Variants in PCNT observed in about 807,000 individuals in gnomAD.
The protein encoded by PCNT is pericentrin, also known as kendrin.
PCNT carries 319 observed loss-of-function variants against 380.4 expected under a neutral mutation model. That is an observed-to-expected ratio of 0.84 (90% CI 0.77 to 0.92). The LOEUF (loss-of-function observed/expected upper bound fraction) is 0.92, where lower values mean the gene tolerates loss of function less well. Among genes scored for constraint, PCNT ranks in the 40% least tolerant of loss-of-function variants. PCNT has a pLI of 0.00. For missense variants in PCNT, 4,400 were observed against 4,255.3 expected, an observed-to-expected ratio of 1.03 and a Z score of -0.95; for synonymous variants, 1,845 against 1,735.2, an observed-to-expected ratio of 1.06 and a Z score of -1.57.
intron 17 of PCNT, among the ~76,000 whole-genome samples, chr21:46,387,653 T>C (rs754509566): frequency 2.0e-5 from 3 of 152,110 alleles, no homozygotes; most frequent in Non-Finnish European, 4.4e-5. Context: ...CTCCCTGTTA[T>C]TTGCCCAGAA....
intron 31 of PCNT, among the ~76,000 whole-genome samples, chr21:46,421,693 G>A (rs1024273327): frequency 2.0e-5 from 3 of 152,244 alleles, no homozygotes; most frequent in African/African-American, 7.2e-5. Flanking sequence ...GGAGAAGTGA[G>A]CAGAGGTCCC....
In PCNT at chr21:46,444,826, T is replaced by A; in HGVS notation, c.9967+5T>A. On this transcript the variant is annotated splice_donor_5th_base_variant and intron_variant, in intron 46 of 46. Coordinates refer to ENST00000359568, the MANE Select transcript of PCNT (RefSeq NM_006031.6). ...GATTGGGAGGGGTACTACCAGGTAA[T>A]GCAAGTCCTCGCCGAGTATTTATTA... 2 of 1,613,016 alleles carry A rather than the reference T, an allele frequency of 1.2e-6. No homozygotes were observed. Among genetic ancestry groups the A allele is most frequent in the Non-Finnish European group, 8.5e-7 (1 of 1,179,024 alleles).
chr21:46,339,049 T>C (rs1945886241), intron 3 of PCNT, among the ~76,000 whole-genome samples: 1 of 152,196 alleles, frequency 6.6e-6, no homozygotes, highest in Non-Finnish European at 1.5e-5. Flanking sequence ...CCCAAAGTGC[T>C]GGGATTACAG....
In PCNT at chr21:46,382,619, C is replaced by A. The variant is rs139756469; in HGVS notation, c.3312+779C>A. On this transcript the variant is annotated intron_variant, in intron 16 of 46. Transcript: ENST00000359568. ...ATTCACGGTGTTGTGCATTCAGTGGCGGAAGCGCATTCACGGTGTTGTGCG... is the reference window on the plus strand; with the variant it reads ...ATTCACGGTGTTGTGCATTCAGTGGAGGAAGCGCATTCACGGTGTTGTGCG... 6.8e-5 allele frequency among the ~76,000 whole-genome samples: 9 copies of A among 132,064 alleles called. No individual in the cohort carries two copies. In the East Asian group the frequency reaches 1.0e-3, roughly 15 times the overall value. The allele number at this position is 132,064 out of a possible 152,430, so 86.6% of individuals were successfully genotyped here.
intron 33 of PCNT, among the ~76,000 whole-genome samples, chr21:46,426,434 C>A (rs555750025): frequency 6.6e-6 from 1 of 152,198 alleles, no homozygotes; most frequent in South Asian, 2.1e-4. Flanking sequence ...AGGTTCCCTG[C>A]GGGACGTGGA....
At position 46,353,263 on chromosome 21, in the gene PCNT, C is replaced by T. The variant is rs2249060; in HGVS notation, c.1616C>T (p.Thr539Ile). 210,444 of 1,613,838 alleles carry T rather than the reference C, an allele frequency of 0.13. 14,670 individuals carry two copies. The highest frequency in any genetic ancestry group is 0.21 in the East Asian group (9,551 of 44,876). ...DAEKTYQEDL[T>I]LLQQRLQGAR... ...GAGAAAACTTACCAAGAAGACCTAACCCTGTTACAGCAGAGGCTGCAGGGG... is the reference window on the plus strand; with the variant it reads ...GAGAAAACTTACCAAGAAGACCTAATCCTGTTACAGCAGAGGCTGCAGGGG... The change falls in exon 10 of 47, where the codon ACC (threonine) becomes ATC (isoleucine). Residue 539 changes from threonine (T) to isoleucine (I), a missense_variant. Transcript: ENST00000359568.
At chr21:46,367,536 G>T (rs1166818312) in intron 15 of PCNT, among the ~76,000 whole-genome samples, 1 of 152,138 alleles carries the variant, frequency 6.6e-6, no homozygotes, top group African/African-American at 2.4e-5. Flanking sequence ...TCGAACTCCT[G>T]ACTTCAGGCG....
At chr21:46,362,139 G>C (rs2084742257) in intron 13 of PCNT, among the ~76,000 whole-genome samples, 1 of 152,204 alleles carries the variant, frequency 6.6e-6, no homozygotes, top group African/African-American at 2.4e-5. Flanking sequence ...TGTTAATTCA[G>C]TTCTTGTAGC....
At chr21:46,350,850 G>A (rs1272825577) in intron 8 of PCNT, among the ~76,000 whole-genome samples, 1 of 152,140 alleles carries the variant, frequency 6.6e-6, no homozygotes, top group Non-Finnish European at 1.5e-5. Context: ...GGGAAAGGTA[G>A]GAGGAGCCGT....
intron 26 of PCNT, 100 bp from the exon 27 acceptor site, chr21:46,402,231 A>G (rs1438877443): frequency 2.4e-6 from 2 of 836,030 alleles, no homozygotes; most frequent in East Asian, 5.6e-5. Flanking sequence ...AGGCATGTGC[A>G]TTTAAATATC....
intron 13 of PCNT, among the ~76,000 whole-genome samples, chr21:46,359,491 G>GTTTTTTTTTTTGTTT (rs2084619150): frequency 1.5e-5 from 1 of 66,048 alleles, no homozygotes; most frequent in African/African-American, 4.8e-5. Flanking sequence ...TTTTTTTTTT[G>GTTTTTTTTTTTGTTT]TTTTTTTTTT....
At chr21:46,379,670 T>A (rs1468569803) in intron 15 of PCNT, among the ~76,000 whole-genome samples, 1 of 152,178 alleles carries the variant, frequency 6.6e-6, no homozygotes, top group Non-Finnish European at 1.5e-5. Flanking sequence ...TTAATTGACC[T>A]ATCTTCCAGC....
In PCNT at chr21:46,438,399, C is replaced by G. The variant is rs1015277952; in HGVS notation, c.9273+62C>G. 4.7e-6 allele frequency: 7 copies of G among 1,502,160 alleles called. No individual in the cohort carries two copies. In the Admixed American group the frequency reaches 1.0e-4, roughly 22 times the overall value. 93.1% of individuals were successfully genotyped at this position (1,502,160 alleles called of 1,614,324 possible). On this transcript the variant is annotated intron_variant, in intron 41 of 46. Coordinates refer to ENST00000359568, the MANE Select transcript of PCNT (RefSeq NM_006031.6). ...TAACCCACCATGGTCCAGAGCAGCT[C>G]CACCCCACAAGAGGCCGGGCTCCCT...
intron 21 of PCNT, among the ~76,000 whole-genome samples, chr21:46,391,697 C>T (rs372615577): frequency 6.6e-6 from 1 of 152,210 alleles, no homozygotes; most frequent in African/African-American, 2.4e-5. Flanking sequence ...CAAACAAGAG[C>T]TACTTTAAAA....
intron 29 of PCNT, among the ~76,000 whole-genome samples, chr21:46,415,276 C>G (rs902042482): frequency 3.3e-5 from 5 of 151,808 alleles, no homozygotes; most frequent in Non-Finnish European, 7.4e-5. Flanking sequence ...TTGTCATGTG[C>G]TCTCGGGAAA....
Position 46,411,211 on chromosome 21 carries a change from A to G in PCNT, c.5138A>G (p.Glu1713Gly). 2 of 1,614,130 alleles carry G rather than the reference A, an allele frequency of 1.2e-6. No individual in the cohort carries two copies. The highest frequency in any genetic ancestry group is 1.7e-6 in the Non-Finnish European group (2 of 1,179,998). The change falls in exon 28 of 47, where the codon GAG (glutamate) becomes GGG (glycine). Residue 1713 changes from glutamate (E) to glycine (G), a missense_variant. Physicochemically the swap from Glu to Gly is moderately conservative, Grantham distance 98. Transcript: ENST00000359568. ...CAGGTCATATATACCAGAAGTTCTG[A>G]GATTGAAGAGCTGAAAGCCACTATT... is the stretch of plus-strand genomic sequence containing the variant. ...SLKVIYTRSSEIEELKATIEN... is the reference protein window; with the variant it reads ...SLKVIYTRSSGIEELKATIEN...
chr21:46,442,407 C>T, intron 43 of PCNT, 90 bp from the exon 44 acceptor site: 1 of 809,774 alleles, frequency 1.2e-6, no homozygotes. Context: ...GGCCCCCATT[C>T]TGCTTGTTTG....
At chr21:46,327,606 T>G (rs1373803307) in intron 2 of PCNT, among the ~76,000 whole-genome samples, 1 of 152,208 alleles carries the variant, frequency 6.6e-6, no homozygotes, top group Non-Finnish European at 1.5e-5. Context: ...AGTTTTGGAT[T>G]AACTACTTGA....
chr21:46,445,222 C>A (rs992251896), intron 46 of PCNT, 62 bp from the exon 47 acceptor site: 3 of 1,169,086 alleles, frequency 2.6e-6, no homozygotes, highest in South Asian at 2.4e-5. Flanking sequence ...TTGTGGAATT[C>A]TTTTCAAAAA....
Sources: gnomAD v4.1 joint callset for allele counts (sites outside exome capture counted in the v4.1 genomes callset) on GRCh38, gnomAD v4.1.1 for gene constraint, MANE v1.5 for transcripts, NCBI Gene and HGNC (gene_info 2026-07-23, HGNC 2026-07-21) for gene names.